Variants in CNTN3 observed in about 807,000 individuals in gnomAD.
CNTN3 encodes contactin-3.
Under a neutral mutation model 119.1 loss-of-function variants are expected in CNTN3, and 60 were observed. The ratio of observed to expected loss-of-function variants is 0.50; its 90% CI spans 0.41 to 0.62. The LOEUF is 0.62. Ranked by LOEUF, CNTN3 falls within the 20% of genes least tolerant of loss-of-function variation. The pLI is 0.00. For missense variants in CNTN3, 1,101 were observed against 1,242.4 expected (o/e 0.89, Z 1.71); for synonymous variants, 450 against 438.7 (o/e 1.03, Z -0.32).
At chr3:74,612,952 G>T (rs1488587323) in intron 1 of CNTN3, among the ~76,000 whole-genome samples, 1 of 152,178 alleles carries the variant, frequency 6.6e-6, no homozygotes, top group Non-Finnish European at 1.5e-5. Flanking sequence ...ATATTAACCT[G>T]CAGTCAACTT....
At chr3:74,456,829 C>T (rs369727654) in intron 4 of CNTN3, among the ~76,000 whole-genome samples, 1 of 151,962 alleles carries the variant, frequency 6.6e-6, no homozygotes, top group East Asian at 1.9e-4. Context: ...TCATGTAGCA[C>T]AGAGTTTGAA....
intron 20 of CNTN3, among the ~76,000 whole-genome samples, chr3:74,281,532 G>A (rs1559678903): frequency 1.3e-5 from 2 of 152,078 alleles, no homozygotes; most frequent in South Asian, 2.1e-4. Context: ...TCTCAGCATA[G>A]TGAGACAGTG....
intron 4 of CNTN3, among the ~76,000 whole-genome samples, chr3:74,443,423 T>C (rs551369430): frequency 6.6e-6 from 1 of 152,328 alleles, no homozygotes; most frequent in Non-Finnish European, 1.5e-5. Flanking sequence ...CTACCAACTG[T>C]GGCCAGATTC....
At chr3:74,282,659 T>C (rs1017032134) in intron 20 of CNTN3, among the ~76,000 whole-genome samples, 1 of 152,160 alleles carries the variant, frequency 6.6e-6, no homozygotes, top group African/African-American at 2.4e-5. Flanking sequence ...ATTCTCTTCA[T>C]AGTGATAATC....
At chr3:74,599,947 G>A (rs1704881125) in intron 1 of CNTN3, among the ~76,000 whole-genome samples, 2 of 152,060 alleles carry the variant, frequency 1.3e-5, no homozygotes, top group African/African-American at 4.8e-5. Flanking sequence ...AAAAGGATGG[G>A]TGTGATCTTG....
chr3:74,481,840 T>C (rs1702769625), intron 4 of CNTN3, among the ~76,000 whole-genome samples: 1 of 151,684 alleles, frequency 6.6e-6, no homozygotes, highest in African/African-American at 2.4e-5. Flanking sequence ...ACCAAGATAA[T>C]ATTTATAAGA....
intron 1 of CNTN3, among the ~76,000 whole-genome samples, chr3:74,584,371 C>A (rs573318970): frequency 6.6e-6 from 1 of 152,158 alleles, no homozygotes; most frequent in South Asian, 2.1e-4. Context: ...AAGATTTTAT[C>A]CCCAATGTAG....
chr3:74,445,604 C>A (rs1315716486), intron 4 of CNTN3, among the ~76,000 whole-genome samples: 1 of 152,148 alleles, frequency 6.6e-6, no homozygotes, highest in African/African-American at 2.4e-5. Context: ...ATTTATTTAA[C>A]TATGACAGTA....
At chr3:74,606,513 G>A (rs1021284497) in intron 1 of CNTN3, among the ~76,000 whole-genome samples, 1 of 151,792 alleles carries the variant, frequency 6.6e-6, no homozygotes, top group Non-Finnish European at 1.5e-5. Flanking sequence ...TTGGGTTATT[G>A]AAGGTCAAAG....
intron 5 of CNTN3, among the ~76,000 whole-genome samples, chr3:74,389,867 C>A (rs1704850728): frequency 6.6e-6 from 1 of 152,122 alleles, no homozygotes; most frequent in East Asian, 1.9e-4. Context: ...AATGAAACTA[C>A]AATTTAGATC....
At chr3:74,467,773 G>A (rs950962506) in intron 4 of CNTN3, among the ~76,000 whole-genome samples, 5 of 152,030 alleles carry the variant, frequency 3.3e-5, no homozygotes, top group African/African-American at 1.2e-4. Context: ...TTCTGCTATA[G>A]ACAAGAAATT....
rs66822650 is a variant in CNTN3 at position 74,512,692 on chromosome 3, CAAAAAA to C, written c.55+8360_55+8365del. Among the ~76,000 whole-genome samples the C allele has an allele frequency of 7.0e-3, 596 of 85,268 alleles. 3 individuals are homozygous for C. Among genetic ancestry groups the C allele is most frequent in the African/African-American group, 0.026 (560 of 21,218 alleles). 55.9% of individuals were successfully genotyped at this position (85,268 alleles called of 152,430 possible). A position where few individuals can be genotyped will look rare whatever the true frequency, so the allele number is the denominator to read the frequency against. ...TCATTTGTTTGGCTGCATAATCAAG[CAAAAAA>C]AAAAAAAAAAAAAAAAAGAAAGAAA... On this transcript the variant is annotated intron_variant, in intron 2 of 22. Transcript: ENST00000263665.
intron 13 of CNTN3, among the ~76,000 whole-genome samples, chr3:74,320,230 G>A (rs527365463): frequency 1.3e-5 from 2 of 152,262 alleles, no homozygotes; most frequent in Admixed American, 6.5e-5. Flanking sequence ...TGTGTTTATT[G>A]CAGCACTATT....
intron 1 of CNTN3, among the ~76,000 whole-genome samples, chr3:74,529,094 T>C (rs1703659191): frequency 1.3e-5 from 2 of 151,970 alleles, no homozygotes; most frequent in African/African-American, 2.4e-5. Flanking sequence ...TTGAATGATA[T>C]ATGAGACCTG....
At chr3:74,404,445 C>A (rs1164155344) in intron 5 of CNTN3, among the ~76,000 whole-genome samples, 1 of 152,072 alleles carries the variant, frequency 6.6e-6, no homozygotes, top group African/African-American at 2.4e-5. Context: ...CATACCAAAT[C>A]ACTTCTATGC....
chr3:74,594,295 T>TTTTTTTTTTTTTA (rs1559672251), intron 1 of CNTN3, among the ~76,000 whole-genome samples: 1 of 145,924 alleles, frequency 6.9e-6, no homozygotes, highest in African/African-American at 2.5e-5. Context: ...TTTTTTACTT[T>TTTTTTTTTTTTTA]TTTTTTAATT....
intron 11 of CNTN3, among the ~76,000 whole-genome samples, chr3:74,360,452 T>C (rs1466576866): frequency 6.6e-6 from 1 of 152,068 alleles, no homozygotes; most frequent in African/African-American, 2.4e-5. Flanking sequence ...TTCCACTAAG[T>C]TTCTGTTTTT....
At chr3:74,413,690 A>G (rs538930474) in intron 5 of CNTN3, among the ~76,000 whole-genome samples, 53 of 152,336 alleles carry the variant, frequency 3.5e-4, no homozygotes, top group African/African-American at 1.1e-3. Flanking sequence ...GAATAGGGAA[A>G]GGTGATCACT....
intron 1 of CNTN3, among the ~76,000 whole-genome samples, chr3:74,537,399 T>C (rs1387558817): frequency 6.6e-6 from 1 of 152,160 alleles, no homozygotes; most frequent in Non-Finnish European, 1.5e-5. Context: ...TGAATCATAA[T>C]TTCCAGGCAC....
Sources: gnomAD v4.1 joint callset for allele counts (sites outside exome capture counted in the v4.1 genomes callset) on GRCh38, gnomAD v4.1.1 for gene constraint, MANE v1.5 for transcripts, NCBI Gene and HGNC (gene_info 2026-07-23, HGNC 2026-07-21) for gene names.